Variants in COL28A1 observed in about 807,000 individuals in gnomAD.
COL28A1 encodes the protein collagen alpha-1(XXVIII) chain.
Under a neutral mutation model 150.2 loss-of-function variants are expected in COL28A1, and 161 were observed. That is an observed-to-expected ratio of 1.07 (90% CI 0.94 to 1.22). COL28A1 has a LOEUF of 1.22. Ranked by LOEUF, COL28A1 falls within the 50% of genes most tolerant of loss-of-function variation. The pLI is 0.00. For missense variants in COL28A1, 1,617 were observed against 1,388.3 expected (o/e 1.16, Z -2.62); for synonymous variants, 552 against 469.7 (o/e 1.18, Z -2.26).
intron 12 of COL28A1, among the ~76,000 whole-genome samples, chr7:7,489,734 A>G (rs1194375639): frequency 6.6e-6 from 1 of 152,204 alleles, no homozygotes. Flanking sequence ...CTGTGTGGCA[A>G]TGCAGGTTGG....
chr7:7,400,122 G>A (rs1249054308), intron 27 of COL28A1, among the ~76,000 whole-genome samples: 1 of 152,212 alleles, frequency 6.6e-6, no homozygotes, highest in Non-Finnish European at 1.5e-5. Context: ...AAAGGGCAAA[G>A]CCCCCTTCAT....
rs547784646 is a variant in COL28A1 at position 7,365,584 on chromosome 7, A to T, written c.3067-5056T>A. Among the ~76,000 whole-genome samples the T allele has an allele frequency of 2.6e-5, 4 of 152,344 alleles. No homozygotes were observed. In the South Asian group the frequency reaches 8.3e-4, roughly 32 times the overall value. ...GATTGCTGACCAGGTGCCACATCCA[A>T]AAGGTCTTTTGCTTTCTGATTTCCA... On this transcript the variant is annotated intron_variant, in intron 33 of 34. Coordinates refer to ENST00000399429, the MANE Select transcript of COL28A1 (RefSeq NM_001037763.3).
chr7:7,389,842 T>A (rs908526325), intron 27 of COL28A1, among the ~76,000 whole-genome samples: 5 of 152,232 alleles, frequency 3.3e-5, no homozygotes, highest in African/African-American at 9.6e-5. Context: ...TGCACATTGA[T>A]TTCGTATCCT....
Position 7,444,459 on chromosome 7 carries a change from G to T in COL28A1, c.1540C>A (p.Gln514Lys), listed in dbSNP as rs534493444. 6.2e-7 allele frequency: 1 copy of T among 1,613,896 alleles called. No individual in the cohort carries two copies. Among genetic ancestry groups the T allele is most frequent in the Non-Finnish European group, 8.5e-7 (1 of 1,179,950 alleles). Reference sequence around the variant, plus strand: ...CCATCTTCTCCTGGTACTCCTGGTTGTCCTGGGAGCCCTATTGAGCCTGGC... The same window carrying T: ...CCATCTTCTCCTGGTACTCCTGGTTTTCCTGGGAGCCCTATTGAGCCTGGC... ...GEPGSIGLPG[Q>K]PGVPGEDGAA... The change falls in exon 19 of 35, where the codon CAA becomes AAA. Residue 514 changes from glutamine (Q) to lysine (K), a missense_variant. Coordinates refer to ENST00000399429, the MANE Select transcript of COL28A1 (RefSeq NM_001037763.3).
chr7:7,355,921 A>G (rs1459397272), downstream of COL28A1, among the ~76,000 whole-genome samples: 1 of 152,200 alleles, frequency 6.6e-6, no homozygotes, highest in Non-Finnish European at 1.5e-5. Context: ...ATACTGAGGA[A>G]AATGAAATAG....
chr7:7,474,388 T>C (rs1456227839), intron 15 of COL28A1, among the ~76,000 whole-genome samples: 3 of 152,014 alleles, frequency 2.0e-5, no homozygotes, highest in South Asian at 2.1e-4. Context: ...AAATCACCAC[T>C]AAAGAACTTA....
At chr7:7,409,750 G>A (rs1342551424) in intron 27 of COL28A1, among the ~76,000 whole-genome samples, 1 of 152,174 alleles carries the variant, frequency 6.6e-6, no homozygotes, top group African/African-American at 2.4e-5. Context: ...TCAAAAACGT[G>A]ATTTCAAAAT....
At chr7:7,538,892 T>C (rs1012161436), upstream of COL28A1, among the ~76,000 whole-genome samples, 1 of 152,126 alleles carries the variant, frequency 6.6e-6, no homozygotes, top group African/African-American at 2.4e-5. Flanking sequence ...AGGAAGAAAT[T>C]AATGACCTTC....
intron 15 of COL28A1, among the ~76,000 whole-genome samples, chr7:7,460,331 G>C (rs1049226482): frequency 7.2e-5 from 11 of 151,894 alleles, no homozygotes; most frequent in Non-Finnish European, 1.6e-4. Context: ...TTTTTGAGTG[G>C]GAGCCTAGGG....
chr7:7,519,826 C>G (rs912963478), intron 6 of COL28A1, among the ~76,000 whole-genome samples: 1 of 152,062 alleles, frequency 6.6e-6, no homozygotes, highest in African/African-American at 2.4e-5. Flanking sequence ...TATTCAATGT[C>G]CCTAGGTTTC....
At chr7:7,408,064 T>G (rs900183543) in intron 27 of COL28A1, among the ~76,000 whole-genome samples, 2 of 152,160 alleles carry the variant, frequency 1.3e-5, no homozygotes, top group Non-Finnish European at 2.9e-5. Flanking sequence ...TCCATTTCTG[T>G]GTCTCTCTGC....
At chr7:7,511,404 G>T (rs1781128124) in intron 8 of COL28A1, among the ~76,000 whole-genome samples, 1 of 152,170 alleles carries the variant, frequency 6.6e-6, no homozygotes, top group African/African-American at 2.4e-5. Context: ...GAAACTAGAA[G>T]AAAAGGAACC....
intron 14 of COL28A1, among the ~76,000 whole-genome samples, chr7:7,475,369 A>G (rs1788777549): frequency 6.6e-6 from 1 of 152,224 alleles, no homozygotes; most frequent in Admixed American, 6.5e-5. Flanking sequence ...TAGTACATAC[A>G]GAGAACACCC....
chr7:7,369,040 T>C (rs1263152163), intron 33 of COL28A1, among the ~76,000 whole-genome samples: 2 of 152,226 alleles, frequency 1.3e-5, no homozygotes, highest in African/African-American at 2.4e-5. Flanking sequence ...TTGGAATTCA[T>C]TGGTATTAAT....
At chr7:7,460,960 G>C (rs892078506) in intron 15 of COL28A1, among the ~76,000 whole-genome samples, 4 of 152,178 alleles carry the variant, frequency 2.6e-5, no homozygotes, top group Admixed American at 2.6e-4. Context: ...GTGGAGGCTA[G>C]CACTGTGAAC....
At chr7:7,482,602 A>G (rs1005600755) in intron 13 of COL28A1, among the ~76,000 whole-genome samples, 2 of 151,938 alleles carry the variant, frequency 1.3e-5, no homozygotes, top group Non-Finnish European at 2.9e-5. Flanking sequence ...TACATTATTT[A>G]GGAACTTTCC....
At chr7:7,527,672 G>A (rs1283919344) in intron 3 of COL28A1, among the ~76,000 whole-genome samples, 1 of 152,130 alleles carries the variant, frequency 6.6e-6, no homozygotes, top group Admixed American at 6.6e-5. Context: ...GATAAATAGG[G>A]AAAGGGTCTC....
chr7:7,473,879 T>C (rs1463319005), intron 15 of COL28A1, among the ~76,000 whole-genome samples: 1 of 151,154 alleles, frequency 6.6e-6, no homozygotes, highest in African/African-American at 2.4e-5. Flanking sequence ...TGTTTATATA[T>C]AGTGTGTGTT....
chr7:7,522,806 C>A (rs1248338729), intron 4 of COL28A1, among the ~76,000 whole-genome samples: 5 of 93,158 alleles, frequency 5.4e-5, no homozygotes, highest in East Asian at 3.1e-4. Context: ...AGCTGAAGAG[C>A]AAAAAAAAAA....
Sources: allele counts gnomAD v4.1 joint callset (sites outside exome capture counted in the v4.1 genomes callset), GRCh38; gene constraint gnomAD v4.1.1; transcripts MANE v1.5; gene names NCBI Gene and HGNC (gene_info 2026-07-23, HGNC 2026-07-21).